The following MAST4 variants were observed in gnomAD, a reference collection of about 807,000 sequenced individuals.
The protein encoded by MAST4 is microtubule-associated serine/threonine-protein kinase 4.
Under a neutral mutation model 162.7 loss-of-function variants are expected in MAST4, and 89 were observed. That is an observed-to-expected ratio of 0.55 (90% CI 0.46 to 0.65). The LOEUF (loss-of-function observed/expected upper bound fraction) is 0.65, where lower values mean the gene tolerates loss of function less well. Ranked by LOEUF, MAST4 falls within the 30% of genes least tolerant of loss-of-function variation. MAST4 has a pLI of 0.00. For synonymous variants in MAST4, 1,479 were observed against 1,361.1 expected, an observed-to-expected ratio of 1.09 and a Z score of -1.91; for missense variants, 3,153 against 3,374.0, an observed-to-expected ratio of 0.93 and a Z score of 1.62.
At chr5:66,916,984 A>G (rs1217669685) in intron 4 of MAST4, 1 of 718,056 alleles carries the variant, frequency 1.4e-6, no homozygotes, top group Admixed American at 2.0e-5. Context: ...CTCCTATAGG[A>G]TAGATTCCCA....
rs78994372 is a variant in MAST4, at chr5:66,995,957, A to T, written c.675-58447A>T. ...AGAAGTATAAAAGAGGATAAATCAT[A>T]ATTCTGTACTGACAGATGTTCATTA... On this transcript the variant is annotated intron_variant, in intron 4 of 28. Coordinates refer to ENST00000403625, the MANE Select transcript of MAST4 (RefSeq NM_001164664.2). 5.2e-4 allele frequency among the ~76,000 whole-genome samples: 79 copies of T among 152,108 alleles called. No individual in the cohort carries two copies. The East Asian group carries it at 0.013, about 25-fold the overall frequency.
At position 66,714,903 on chromosome 5, in the gene MAST4, C is replaced by T. The variant is rs987457293; in HGVS notation, c.364-44806C>T. 3.3e-5 allele frequency among the ~76,000 whole-genome samples: 5 copies of T among 152,190 alleles called. No individual in the cohort carries two copies. In the South Asian group the frequency reaches 6.2e-4, roughly 19 times the overall value. On this transcript the variant is annotated intron_variant, in intron 1 of 28. Coordinates refer to ENST00000403625, the MANE Select transcript of MAST4 (RefSeq NM_001164664.2). ...CCTAGTAAAGCTTTGGCTTCTCTCA[C>T]GTACATTCTCTCCTTCCATTGGTAT...
At chr5:66,717,505 G>T (rs1750917289) in intron 1 of MAST4, among the ~76,000 whole-genome samples, 1 of 152,050 alleles carries the variant, frequency 6.6e-6, no homozygotes, top group South Asian at 2.1e-4. Context: ...TATTAATTTT[G>T]ACATATGGTT....
At chr5:66,781,943 G>C (rs914166366) in intron 2 of MAST4, among the ~76,000 whole-genome samples, 3 of 151,932 alleles carry the variant, frequency 2.0e-5, no homozygotes, top group African/African-American at 7.3e-5. Flanking sequence ...TTGCAGACTT[G>C]GTATTTTTCT....
At chr5:66,796,810 G>A (rs1755674190) in intron 3 of MAST4, among the ~76,000 whole-genome samples, 1 of 152,160 alleles carries the variant, frequency 6.6e-6, no homozygotes, top group Admixed American at 6.5e-5. Flanking sequence ...GATCCATAGG[G>A]TGGTAAATGC....
intron 6 of MAST4, among the ~76,000 whole-genome samples, chr5:67,090,788 A>G (rs1410769625): frequency 6.6e-6 from 1 of 151,894 alleles, no homozygotes; most frequent in Non-Finnish European, 1.5e-5. Context: ...GTCATGTCAC[A>G]CCATGTTCAT....
chr5:66,707,281 C>T (rs895472632), intron 1 of MAST4, among the ~76,000 whole-genome samples: 5 of 152,102 alleles, frequency 3.3e-5, no homozygotes, highest in African/African-American at 9.7e-5. Flanking sequence ...TGTTTCAAGC[C>T]ATTGTTTCCA....
intron 3 of MAST4, among the ~76,000 whole-genome samples, chr5:66,814,432 T>C (rs1430507892): frequency 2.0e-5 from 3 of 152,070 alleles, no homozygotes; most frequent in African/African-American, 7.2e-5. Context: ...GCCACAGATA[T>C]GTAAAAGAGG....
At chr5:66,998,178 C>A (rs1750888005) in intron 4 of MAST4, among the ~76,000 whole-genome samples, 1 of 152,210 alleles carries the variant, frequency 6.6e-6, no homozygotes, top group African/African-American at 2.4e-5. Context: ...ACCATGCTGA[C>A]CCACTTAAAC....
chr5:66,870,758 C>A, intron 3 of MAST4: 1 of 471,302 alleles, frequency 2.1e-6, no homozygotes, highest in South Asian at 1.5e-5. Context: ...GTTCACTCCC[C>A]ATCTTCCATT....
At chr5:66,905,483 T>A (rs1763297301) in intron 4 of MAST4, among the ~76,000 whole-genome samples, 1 of 152,152 alleles carries the variant, frequency 6.6e-6, no homozygotes, top group African/African-American at 2.4e-5. Context: ...AATTAACTGA[T>A]CTAGCAACAA....
At chr5:67,114,304 T>G in intron 12 of MAST4, 85 bp downstream of exon 12, 2 of 1,480,194 alleles carry the variant, frequency 1.4e-6, no homozygotes, top group Non-Finnish European at 1.8e-6. Context: ...GTCTTTATTT[T>G]TCCTCATGTT....
At chr5:66,933,309 T>C (rs192562895) in intron 4 of MAST4, among the ~76,000 whole-genome samples, 3 of 152,330 alleles carry the variant, frequency 2.0e-5, no homozygotes, top group African/African-American at 7.2e-5. Flanking sequence ...ATCATGAGAT[T>C]TGGAATTGCA....
At chr5:66,963,617 G>A in intron 4 of MAST4, 1 of 746,500 alleles carries the variant, frequency 1.3e-6, no homozygotes, top group Non-Finnish European at 2.5e-6. Context: ...AGTGATTCTG[G>A]CCTAAAGGGA....
At chr5:66,672,605 C>T (rs2149474720) in intron 1 of MAST4, among the ~76,000 whole-genome samples, 1 of 152,156 alleles carries the variant, frequency 6.6e-6, no homozygotes, top group Middle Eastern at 3.4e-3. Flanking sequence ...TTTCTCAGGC[C>T]CCTTTTATAT....
rs1774170446 is a variant in MAST4 at position 67,167,289 on chromosome 5, A to G, written c.*238A>G. 1 of 359,154 alleles carries G rather than the reference A, an allele frequency of 2.8e-6. No individual in the cohort carries two copies. The highest frequency in any genetic ancestry group is 4.9e-6 in the Non-Finnish European group (1 of 203,252). The allele number at this position is 359,154 out of a possible 1,614,324, so 22.2% of individuals were successfully genotyped here. ...CAAAAAAAAAAAAAAAAAAAAAAAA[A>G]AAAATTACCTTTACAGTTGAGGGTT... On this transcript the variant is annotated 3_prime_UTR_variant, in exon 29 of 29. Transcript: ENST00000403625.
At chr5:67,137,673 G>A (rs904915121) in intron 19 of MAST4, among the ~76,000 whole-genome samples, 1 of 152,172 alleles carries the variant, frequency 6.6e-6, no homozygotes, top group Non-Finnish European at 1.5e-5. Context: ...CGAATGCTGT[G>A]CTACTAGAGT....
At chr5:66,790,300 G>C (rs1042710768) in intron 3 of MAST4, among the ~76,000 whole-genome samples, 3 of 151,986 alleles carry the variant, frequency 2.0e-5, no homozygotes, top group Admixed American at 1.3e-4. Context: ...TATAAACTTG[G>C]ACAAGTCCGT....
intron 15 of MAST4, among the ~76,000 whole-genome samples, chr5:67,131,374 A>G (rs2150993252): frequency 6.6e-6 from 1 of 152,284 alleles, no homozygotes; most frequent in South Asian, 2.1e-4. Context: ...TAAGAATTCT[A>G]ACAAAGATGG....
Sources: allele counts gnomAD v4.1 joint callset (sites outside exome capture counted in the v4.1 genomes callset), GRCh38; gene constraint gnomAD v4.1.1; transcripts MANE v1.5; gene names NCBI Gene and HGNC (gene_info 2026-07-23, HGNC 2026-07-21).